BRI3BP: variants seen among roughly 807,000 people sequenced by gnomAD.
BRI3BP encodes BRI3-binding protein.
A neutral mutation model predicts 15.8 loss-of-function variants in BRI3BP; 7 were observed. That is an observed-to-expected ratio of 0.44 (90% CI 0.25 to 0.83). The LOEUF (loss-of-function observed/expected upper bound fraction) is 0.83, where lower values mean the gene tolerates loss of function less well. BRI3BP is among the 40% of genes least tolerant of loss of function. The pLI is 0.20. For synonymous variants in BRI3BP, 192 were observed against 163.5 expected, an observed-to-expected ratio of 1.17 and a Z score of -1.33; for missense variants, 320 against 339.3, an observed-to-expected ratio of 0.94 and a Z score of 0.45.
chr12:125,023,400 A>G (rs1317843211), intron 2 of BRI3BP, among the ~76,000 whole-genome samples: 1 of 152,206 alleles, frequency 6.6e-6, no homozygotes, highest in East Asian at 1.9e-4. Context: ...ACACATGGCC[A>G]AAGCTTAGTT....
rs1565900148 is a variant in BRI3BP, at chr12:124,993,878, C to T, written c.88C>T (p.Pro30Ser). The T allele has an allele frequency of 4.0e-6, 5 of 1,235,032 alleles. No individual in the cohort carries two copies. The highest frequency in any genetic ancestry group is 1.0e-6 in the Non-Finnish European group (1 of 983,724). 76.5% of individuals were successfully genotyped at this position (1,235,032 alleles called of 1,614,324 possible). A position where few individuals can be genotyped will look rare whatever the true frequency, so the allele number is the denominator to read the frequency against. ...LLLLLLGLLA[P>S]GAQGARGRGG... is the part of the protein sequence containing the mutation. ...GCTGCTGCTGCTCGGGCTGCTGGCC[C>T]CGGGCGCGCAGGGGGCGCGGGGCCG... is the stretch of plus-strand genomic sequence containing the variant. Residue 30 changes from proline (P) to serine (S), a missense_variant, in exon 1 of 3, where the codon CCG (proline) becomes TCG (serine). Coordinates refer to ENST00000341446, the MANE Select transcript of BRI3BP (RefSeq NM_080626.6).
At chr12:125,019,181 G>A (rs548349436) in intron 2 of BRI3BP, among the ~76,000 whole-genome samples, 30 of 152,206 alleles carry the variant, frequency 2.0e-4, no homozygotes, top group African/African-American at 7.2e-4. Flanking sequence ...TAGCTACTTG[G>A]CCATGGCAGC....
intron 1 of BRI3BP, among the ~76,000 whole-genome samples, chr12:125,008,176 G>A (rs1217275033): frequency 6.6e-6 from 1 of 151,950 alleles, no homozygotes; most frequent in African/African-American, 2.4e-5. Flanking sequence ...ACCGTGACAT[G>A]GAATCTCTGG....
chr12:125,038,398 C>T, the BRI3BP span, among the ~76,000 whole-genome samples: 1 of 152,290 alleles, frequency 6.6e-6, no homozygotes, highest in South Asian at 2.1e-4. Flanking sequence ...TATATTAAAC[C>T]TATTCTAAAA....
chr12:124,993,853 G>C lies in BRI3BP; in HGVS notation c.63G>C (p.Leu21=). 8.3e-7 allele frequency: 1 copy of C among 1,210,022 alleles called. No individual in the cohort carries two copies. Among genetic ancestry groups the C allele is most frequent in the Non-Finnish European group, 1.0e-6 (1 of 969,472 alleles). 75.0% of individuals were successfully genotyped at this position (1,210,022 alleles called of 1,614,324 possible). The change falls in exon 1 of 3, where the codon CTG becomes CTC. Residue 21 remains leucine (L), a synonymous_variant. Transcript: ENST00000341446. ...ARAGLLLLLL[L]LLLLGLLAPG... Reference sequence around the variant, plus strand: ...CCGGGCTCCTGCTGCTGCTGCTGCTGCTGCTGCTGCTCGGGCTGCTGGCCC... The same window carrying C: ...CCGGGCTCCTGCTGCTGCTGCTGCTCCTGCTGCTGCTCGGGCTGCTGGCCC...
rs144654453 is a variant in BRI3BP at position 125,014,800 on chromosome 12, ACT to A, written c.316+2167_316+2168del. Among the ~76,000 whole-genome samples the A allele has an allele frequency of 8.0e-3, 1,215 of 152,078 alleles. 17 individuals carry two copies. Among genetic ancestry groups the A allele is most frequent in the African/African-American group, 0.027 (1,130 of 41,468 alleles). The stretch of plus-strand genomic sequence containing the variant: ...TTTGTTTGTTTTTGTTTAGGATCTC[ACT>A]CTGTTGCCCAGGCTGGAGTGCAGTG... On this transcript the variant is annotated intron_variant, in intron 2 of 2. Transcript: ENST00000341446.
At position 125,025,248 on chromosome 12, in the gene BRI3BP, G is replaced by A. The variant is rs773156047; in HGVS notation, c.574G>A (p.Val192Met). ...ENAVLPLCFV[V>M]AVYFMTGPMG... ...CGCGGTGCTGCCGCTGTGCTTCGTG[G>A]TGGCCGTCTACTTCATGACCGGGCC... The change falls in exon 3 of 3, where the codon GTG (valine) becomes ATG (methionine). Residue 192 changes from valine to methionine, a missense_variant. Coordinates refer to ENST00000341446, the MANE Select transcript of BRI3BP (RefSeq NM_080626.6). 9.3e-6 allele frequency: 15 copies of A among 1,614,116 alleles called. No individual in the cohort carries two copies. The highest frequency in any genetic ancestry group is 1.3e-5 in the Non-Finnish European group (15 of 1,180,036).
chr12:125,045,393 T>C, the BRI3BP span, among the ~76,000 whole-genome samples: 2 of 152,118 alleles, frequency 1.3e-5, no homozygotes, highest in Non-Finnish European at 2.9e-5. Flanking sequence ...GCTGGAGTGC[T>C]GTAGCGCGAT....
downstream of BRI3BP, among the ~76,000 whole-genome samples, chr12:125,033,549 T>G (rs1207786537): frequency 6.6e-6 from 1 of 151,964 alleles, no homozygotes; most frequent in Non-Finnish European, 1.5e-5. Context: ...CCTTTAAATA[T>G]TTAAGTCCTC....
the BRI3BP span, among the ~76,000 whole-genome samples, chr12:125,049,887 A>C: frequency 3.5e-5 from 5 of 141,468 alleles, no homozygotes; most frequent in Non-Finnish European, 7.8e-5. Flanking sequence ...CTGGGAGGGG[A>C]TGGGGTGGGG....
rs146907461 is a variant in BRI3BP, at chr12:125,015,921, G to A, written c.316+3285G>A. ...ACCGCGTGCAATCCTCTTAGCTTCC[G>A]TATCCACCACCTGCCCGGATTGTCA... On this transcript the variant is annotated intron_variant, in intron 2 of 2. Coordinates refer to ENST00000341446, the MANE Select transcript of BRI3BP (RefSeq NM_080626.6). Among the ~76,000 whole-genome samples, 1,373 of 151,434 alleles carry A rather than the reference G, an allele frequency of 9.1e-3. 13 individuals are homozygous for A. The highest frequency in any genetic ancestry group is 0.015 in the Non-Finnish European group (1,012 of 67,836).
chr12:125,043,482 T>C, the BRI3BP span, among the ~76,000 whole-genome samples: 2 of 152,074 alleles, frequency 1.3e-5, no homozygotes, highest in African/African-American at 4.8e-5. Context: ...CCCAGCACTT[T>C]GGAAGGCCAA....
chr12:124,999,213 T>C (rs1478071256), intron 1 of BRI3BP, among the ~76,000 whole-genome samples: 1 of 152,198 alleles, frequency 6.6e-6, no homozygotes, highest in Non-Finnish European at 1.5e-5. Flanking sequence ...AGTACTTTTT[T>C]CCCTTGCTCC....
rs906456861 is a variant in BRI3BP at position 125,027,241 on chromosome 12, T to C, written c.*1811T>C. On this transcript the variant is annotated 3_prime_UTR_variant, in exon 3 of 3. Transcript: ENST00000341446. ...CAGATGCAGATGTTTTTGTGGATGT[T>C]GTTGAGACTTTTGAGACTTCTGTTT... 2.6e-5 allele frequency: 4 copies of C among 152,190 alleles called. No homozygotes were observed. The highest frequency in any genetic ancestry group is 2.6e-4 in the Admixed American group (4 of 15,268). 9.4% of individuals were successfully genotyped at this position (152,190 alleles called of 1,614,324 possible).
At chr12:125,020,353 G>C (rs961659828) in intron 2 of BRI3BP, among the ~76,000 whole-genome samples, 2 of 152,200 alleles carry the variant, frequency 1.3e-5, no homozygotes, top group Non-Finnish European at 2.9e-5. Flanking sequence ...ATGCCTCACT[G>C]TGTCTCACAT....
At chr12:125,046,026 G>C in the BRI3BP span, among the ~76,000 whole-genome samples, 1 of 151,844 alleles carries the variant, frequency 6.6e-6, no homozygotes, top group Non-Finnish European at 1.5e-5. Context: ...TTAGCCAGGC[G>C]TGGTGGCAGG....
At chr12:125,033,365 C>G (rs1955420082), downstream of BRI3BP, among the ~76,000 whole-genome samples, 1 of 152,136 alleles carries the variant, frequency 6.6e-6, no homozygotes, top group Non-Finnish European at 1.5e-5. Flanking sequence ...GCACTCCAAC[C>G]TGGGCGACGG....
chr12:125,009,283 CTTTTTTT>C (rs1217778458), intron 1 of BRI3BP, among the ~76,000 whole-genome samples: 2 of 66,580 alleles, frequency 3.0e-5, no homozygotes, highest in African/African-American at 5.7e-5. Context: ...ACCCAGCCAT[CTTTTTTT>C]TTTTTTTTTT....
At chr12:125,034,883 C>T (rs4765210), downstream of BRI3BP, among the ~76,000 whole-genome samples, 53,823 of 152,036 alleles carry the variant, frequency 0.35, 9,883 homozygotes, top group East Asian at 0.55. Context: ...CCACCGCGCC[C>T]GGCCCTAGTT....
Sources: allele counts gnomAD v4.1 joint callset (sites outside exome capture counted in the v4.1 genomes callset), GRCh38; gene constraint gnomAD v4.1.1; transcripts MANE v1.5; gene names NCBI Gene and HGNC (gene_info 2026-07-23, HGNC 2026-07-21).